GRB14: variants seen among roughly 807,000 people sequenced by gnomAD.
The protein encoded by GRB14 is growth factor receptor-bound protein 14.
A neutral mutation model predicts 69.1 loss-of-function variants in GRB14; 38 were observed. That is an observed-to-expected ratio of 0.55 (90% confidence interval 0.42 to 0.72). The LOEUF is 0.72. Ranked by LOEUF, GRB14 falls within the 30% of genes least tolerant of loss-of-function variation. The pLI, the probability that GRB14 is intolerant of heterozygous loss-of-function variation, is 0.00. For missense variants in GRB14, 666 were observed against 666.1 expected, an observed-to-expected ratio of 1.00 and a Z score of 0.00; for synonymous variants, 247 against 241.3, an observed-to-expected ratio of 1.02 and a Z score of -0.22.
At chr2:164,605,194 A>T (rs2105355367) in intron 2 of GRB14, among the ~76,000 whole-genome samples, 1 of 152,300 alleles carries the variant, frequency 6.6e-6, no homozygotes, top group Non-Finnish European at 1.5e-5. Flanking sequence ...AAAAGTGGAT[A>T]AATCCAAGAG....
chr2:164,545,021 G>C (rs923191256), intron 3 of GRB14, among the ~76,000 whole-genome samples: 1 of 152,108 alleles, frequency 6.6e-6, no homozygotes, highest in African/African-American at 2.4e-5. Context: ...ACCTTTCATT[G>C]GCACATTGCT....
At chr2:164,557,354 A>C (rs1380308384) in intron 2 of GRB14, among the ~76,000 whole-genome samples, 2 of 152,182 alleles carry the variant, frequency 1.3e-5, no homozygotes, top group East Asian at 3.9e-4. Flanking sequence ...CCACAATAGG[A>C]AATGCTTTTC....
chr2:164,610,361 G>A (rs982070674), intron 2 of GRB14, among the ~76,000 whole-genome samples: 12 of 152,006 alleles, frequency 7.9e-5, no homozygotes, highest in Non-Finnish European at 1.6e-4. Flanking sequence ...AGTTCACTGG[G>A]CACTCACTTA....
intron 2 of GRB14, among the ~76,000 whole-genome samples, chr2:164,575,776 C>A (rs1040001082): frequency 2.0e-5 from 3 of 151,984 alleles, no homozygotes; most frequent in Admixed American, 6.5e-5. Context: ...CATTTATAAT[C>A]ATAACAGAAA....
At chr2:164,598,609 T>A (rs573810354) in intron 2 of GRB14, among the ~76,000 whole-genome samples, 19 of 152,204 alleles carry the variant, frequency 1.2e-4, no homozygotes, top group African/African-American at 4.3e-4. Context: ...TGGTAGGAGG[T>A]CTTCAGGTGT....
chr2:164,496,817 GAC>G (rs1426587400), intron 12 of GRB14, among the ~76,000 whole-genome samples, 189 bp downstream of exon 12: 2 of 152,086 alleles, frequency 1.3e-5, no homozygotes, highest in Non-Finnish European at 2.9e-5. Context: ...ACAAATACCA[GAC>G]ACACACTATG....
At chr2:164,569,938 C>G (rs773260298) in intron 2 of GRB14, among the ~76,000 whole-genome samples, 7 of 152,114 alleles carry the variant, frequency 4.6e-5, no homozygotes, top group African/African-American at 1.4e-4. Context: ...TCTGTTCTAA[C>G]CTTGAGCTAC....
intron 2 of GRB14, among the ~76,000 whole-genome samples, chr2:164,578,974 G>C (rs915082194): frequency 5.9e-5 from 9 of 151,992 alleles, no homozygotes; most frequent in Non-Finnish European, 1.5e-5. Context: ...ATACTGGGTA[G>C]GAATTAAGAG....
intron 9 of GRB14, among the ~76,000 whole-genome samples, chr2:164,497,861 TA>T (rs985495163): frequency 1.2e-4 from 19 of 152,290 alleles, no homozygotes; most frequent in Admixed American, 2.0e-4. Context: ...TTCCTCTGGT[TA>T]AAAAGATACA....
chr2:164,537,383 A>T (rs181316089), intron 3 of GRB14, among the ~76,000 whole-genome samples: 4 of 152,222 alleles, frequency 2.6e-5, no homozygotes, highest in Non-Finnish European at 5.9e-5. Context: ...GACTCTTAAC[A>T]TCACAAACAA....
chr2:164,557,628 G>C (rs1688714044), intron 2 of GRB14, among the ~76,000 whole-genome samples: 1 of 152,122 alleles, frequency 6.6e-6, no homozygotes, highest in African/African-American at 2.4e-5. Context: ...AGGGCAGGCA[G>C]CTCAGGATTT....
intron 2 of GRB14, among the ~76,000 whole-genome samples, chr2:164,578,522 G>GCGCACACA (rs113742280): frequency 2.1e-5 from 3 of 145,588 alleles, no homozygotes; most frequent in Non-Finnish European, 3.0e-5. Context: ...CAATTCGCGC[G>GCGCACACA]CACACACACA....
chr2:164,562,415 C>T (rs1193998560), intron 2 of GRB14, among the ~76,000 whole-genome samples: 2 of 152,076 alleles, frequency 1.3e-5, no homozygotes, highest in African/African-American at 4.8e-5. Context: ...TCTAAAGTTA[C>T]AGAAAGGAAA....
chr2:164,582,424 A>ATTTTTT (rs67781422), intron 2 of GRB14, among the ~76,000 whole-genome samples: 1 of 116,152 alleles, frequency 8.6e-6, no homozygotes, highest in African/African-American at 3.6e-5. Flanking sequence ...TTTATTTATT[A>ATTTTTT]TTTTTTTTTT....
At chr2:164,584,771 T>C (rs1689494806) in intron 2 of GRB14, among the ~76,000 whole-genome samples, 2 of 152,186 alleles carry the variant, frequency 1.3e-5, no homozygotes, top group Non-Finnish European at 2.9e-5. Flanking sequence ...TACAATGTCT[T>C]GTTCTACTCT....
At chr2:164,528,409 T>C (rs1172379883) in intron 3 of GRB14, among the ~76,000 whole-genome samples, 1 of 152,164 alleles carries the variant, frequency 6.6e-6, no homozygotes, top group Non-Finnish European at 1.5e-5. Flanking sequence ...GCTGTTTTAC[T>C]GTTTCTAGGA....
Position 164,527,176 on chromosome 2 carries a change from A to AATAT in GRB14, c.482-45_482-42dup, listed in dbSNP as rs57531034. 4.2e-3 allele frequency: 1,049 copies of AATAT among 249,654 alleles called. 2 individuals are homozygous for AATAT. Among genetic ancestry groups the AATAT allele is most frequent in the East Asian group, 8.5e-3 (50 of 5,894 alleles). 15.5% of individuals were successfully genotyped at this position (249,654 alleles called of 1,614,324 possible). A position where few individuals can be genotyped will look rare whatever the true frequency, so the allele number is the denominator to read the frequency against. The stretch of plus-strand genomic sequence containing the variant: ...CAATGAGTATGTTGACAGATAGACA[A>AATAT]ATATATATATATATATATATATATA... On this transcript the variant is annotated intron_variant, in intron 3 of 13. Transcript: ENST00000263915.
intron 3 of GRB14, among the ~76,000 whole-genome samples, chr2:164,547,249 G>A (rs1483334661): frequency 6.6e-6 from 1 of 152,146 alleles, no homozygotes; most frequent in African/African-American, 2.4e-5. Context: ...AGCGATATGT[G>A]AGCTCTGACC....
chr2:164,604,570 G>C (rs79544155), intron 2 of GRB14, among the ~76,000 whole-genome samples: 1,856 of 151,962 alleles, frequency 0.012, 37 homozygotes, highest in African/African-American at 0.042. Context: ...AGGAAAAAGG[G>C]GAAATAAAAT....
Sources: gnomAD v4.1 joint callset for allele counts (sites outside exome capture counted in the v4.1 genomes callset) on GRCh38, gnomAD v4.1.1 for gene constraint, MANE v1.5 for transcripts, NCBI Gene and HGNC (gene_info 2026-07-23, HGNC 2026-07-21) for gene names.